Variants in DNAAF11 observed in about 807,000 individuals in gnomAD.
The protein encoded by DNAAF11 is dynein axonemal assembly factor 11.
DNAAF11 carries 45 observed loss-of-function variants against 60.8 expected under a neutral mutation model. That is an observed-to-expected ratio of 0.74 (90% CI 0.58 to 0.95). DNAAF11 has a LOEUF of 0.95. Among genes scored for constraint, DNAAF11 ranks in the 40% least tolerant of loss-of-function variants. DNAAF11 has a pLI of 0.00. For missense variants in DNAAF11, 546 were observed against 546.2 expected (o/e 1.00, Z 0.00); for synonymous variants, 191 against 183.5 (o/e 1.04, Z -0.33).
At chr8:132,685,913 T>C in the DNAAF11 span, among the ~76,000 whole-genome samples, 389 of 152,198 alleles carry the variant, frequency 2.6e-3, 3 homozygotes, top group East Asian at 0.011. Flanking sequence ...CCCTTTTTTT[T>C]CCCCAGCAAA....
At chr8:132,625,862 T>A (rs184015857) in intron 5 of DNAAF11, among the ~76,000 whole-genome samples, 5 of 152,194 alleles carry the variant, frequency 3.3e-5, no homozygotes, top group African/African-American at 4.8e-5. Flanking sequence ...TGTTTTATAA[T>A]ATTTTGCAGG....
rs1563655995 is a variant in DNAAF11, at chr8:132,633,004, T to C, written c.430-41A>G. On this transcript the variant is annotated intron_variant, in intron 4 of 11. Coordinates refer to ENST00000620350, the MANE Select transcript of DNAAF11 (RefSeq NM_012472.6). ...TAAATATAGTACAATTGTTCAAAAG[T>C]AGCAGTGTGAATCAGCCCCAGGTTG... The C allele has an allele frequency of 3.5e-6, 5 of 1,429,236 alleles. No homozygotes were observed. In the Admixed American group the frequency reaches 6.9e-5, roughly 20 times the overall value. 88.5% of individuals were successfully genotyped at this position (1,429,236 alleles called of 1,614,324 possible).
At chr8:132,642,660 G>T (rs1460865652) in intron 3 of DNAAF11, among the ~76,000 whole-genome samples, 1 of 152,230 alleles carries the variant, frequency 6.6e-6, no homozygotes, top group Non-Finnish European at 1.5e-5. Flanking sequence ...TGCTTCTGTG[G>T]AAAGAAACAC....
intron 6 of DNAAF11, 80 bp from the exon 7 acceptor site, chr8:132,622,768 C>T (rs1321550628): frequency 8.1e-6 from 8 of 986,386 alleles, no homozygotes; most frequent in South Asian, 2.8e-5. Context: ...GCAATTAATA[C>T]ATTTTTGTGA....
At chr8:132,647,440 C>T (rs779271492) in intron 3 of DNAAF11, among the ~76,000 whole-genome samples, 10 of 152,092 alleles carry the variant, frequency 6.6e-5, no homozygotes, top group African/African-American at 1.7e-4. Context: ...GACACCCTAA[C>T]GTCACAATTA....
Position 132,675,529 on chromosome 8 carries a change from C to G in DNAAF11, c.-36G>C, listed in dbSNP as rs1250190951. Reference sequence around the variant, plus strand: ...CAGTTCGCTGACCCCGCAAGCCGGACCCGGACCTCGAATGACGCTTTTCAC... The same window carrying G: ...CAGTTCGCTGACCCCGCAAGCCGGAGCCGGACCTCGAATGACGCTTTTCAC... On this transcript the variant is annotated 5_prime_UTR_variant, in exon 1 of 12. Coordinates refer to ENST00000620350, the MANE Select transcript of DNAAF11 (RefSeq NM_012472.6). 2 of 1,555,970 alleles carry G rather than the reference C, an allele frequency of 1.3e-6. No individual in the cohort carries two copies. The highest frequency in any genetic ancestry group is 2.5e-5 in the East Asian group (1 of 40,120).
intron 10 of DNAAF11, among the ~76,000 whole-genome samples, chr8:132,595,240 C>G (rs886152588): frequency 8.6e-5 from 13 of 151,294 alleles, no homozygotes; most frequent in South Asian, 2.1e-4. Flanking sequence ...GAACAAGGTT[C>G]CAGAAACTTA....
intron 1 of DNAAF11, among the ~76,000 whole-genome samples, chr8:132,670,952 C>A (rs1825128720): frequency 6.6e-6 from 1 of 152,062 alleles, no homozygotes; most frequent in Non-Finnish European, 1.5e-5. Flanking sequence ...AAAAGGAACT[C>A]AACTTGACAA....
intron 10 of DNAAF11, among the ~76,000 whole-genome samples, chr8:132,586,096 T>C (rs1356263792): frequency 1.3e-5 from 2 of 152,200 alleles, no homozygotes; most frequent in East Asian, 3.8e-4. Context: ...TAATGTTTTA[T>C]GGAGACTAAA....
the DNAAF11 span, among the ~76,000 whole-genome samples, chr8:132,689,765 C>T: frequency 2.6e-5 from 4 of 151,658 alleles, no homozygotes; most frequent in Non-Finnish European, 5.9e-5. Context: ...ACTCTGCCAC[C>T]CAGGCTGAAG....
In DNAAF11 at chr8:132,581,151, A is replaced by C. The variant is rs1452855458; in HGVS notation, c.1226+2543T>G. On this transcript the variant is annotated intron_variant, in intron 11 of 11. Coordinates refer to ENST00000620350, the MANE Select transcript of DNAAF11 (RefSeq NM_012472.6). ...AAACAAACTTAATTCCTGATGGATT[A>C]GACGTTTCCTCAAATTATACCTAAA... Among the ~76,000 whole-genome samples, 6 of 152,352 alleles carry C rather than the reference A, an allele frequency of 3.9e-5. No individual in the cohort carries two copies. The East Asian group carries it at 7.7e-4, about 20-fold the overall frequency.
chr8:132,579,063 T>C (rs575959950), intron 11 of DNAAF11, among the ~76,000 whole-genome samples: 60 of 152,320 alleles, frequency 3.9e-4, no homozygotes, highest in African/African-American at 1.3e-3. Context: ...CACCACAAGC[T>C]AGAAAGTTTA....
upstream of DNAAF11, among the ~76,000 whole-genome samples, chr8:132,676,140 A>G (rs1210680452): frequency 6.6e-6 from 1 of 152,204 alleles, no homozygotes; most frequent in East Asian, 1.9e-4. Context: ...CCGGCTAACA[A>G]GCTTTCCAGA....
At chr8:132,613,304 T>G (rs1818842523) in intron 8 of DNAAF11, among the ~76,000 whole-genome samples, 1 of 152,072 alleles carries the variant, frequency 6.6e-6, no homozygotes, top group Non-Finnish European at 1.5e-5. Context: ...GGTGAACGGA[T>G]AAACAAAATG....
the DNAAF11 span, chr8:132,687,657 T>C: frequency 4.4e-6 from 2 of 456,158 alleles, no homozygotes; most frequent in East Asian, 6.9e-5. Flanking sequence ...TTGTTGTTTC[T>C]GTTTTGCAAA....
At chr8:132,616,715 T>G (rs1004176278) in intron 7 of DNAAF11, among the ~76,000 whole-genome samples, 1 of 152,170 alleles carries the variant, frequency 6.6e-6, no homozygotes, top group Non-Finnish European at 1.5e-5. Context: ...AACAGCTAAT[T>G]GTTAGAAACA....
At chr8:132,601,474 G>A (rs1306432906) in intron 10 of DNAAF11, among the ~76,000 whole-genome samples, 5 of 152,232 alleles carry the variant, frequency 3.3e-5, no homozygotes, top group Admixed American at 2.6e-4. Context: ...ACATGCACAC[G>A]TATGTTTATT....
the DNAAF11 span, among the ~76,000 whole-genome samples, chr8:132,690,844 A>G: frequency 6.6e-6 from 1 of 152,204 alleles, no homozygotes. Context: ...AAACTGGTTA[A>G]TGGGTTTCTG....
upstream of DNAAF11, among the ~76,000 whole-genome samples, chr8:132,677,478 AGGGAGCCACTCCAGAACC>A (rs1825803826): frequency 6.6e-6 from 1 of 152,158 alleles, no homozygotes; most frequent in Admixed American, 6.5e-5. Context: ...CAGGAGACAA[AGGGAGCCACTCCAGAACC>A]GCAGAAAGTT....
Sources: gnomAD v4.1 joint callset for allele counts (sites outside exome capture counted in the v4.1 genomes callset) on GRCh38, gnomAD v4.1.1 for gene constraint, MANE v1.5 for transcripts, NCBI Gene and HGNC (gene_info 2026-07-23, HGNC 2026-07-21) for gene names.